SMUG1: variants seen among roughly 807,000 people sequenced by gnomAD.
The protein encoded by SMUG1 is single-strand-selective monofunctional uracil-DNA glycosylase 1.
In SMUG1, 13 loss-of-function variants were observed where a neutral mutation model predicts 23.9. The observed-to-expected ratio is 0.54, with a 90% CI of 0.35 to 0.86. The LOEUF (loss-of-function observed/expected upper bound fraction) is 0.86, where lower values mean the gene tolerates loss of function less well. Ranked by LOEUF, SMUG1 falls within the 40% of genes least tolerant of loss-of-function variation. The probability of loss-of-function intolerance (pLI) is 0.01; values close to 1 mark genes in which losing one functional copy is unlikely to be tolerated. For missense variants in SMUG1, 313 were observed against 339.5 expected, an observed-to-expected ratio of 0.92 and a Z score of 0.61; for synonymous variants, 133 against 139.8, an observed-to-expected ratio of 0.95 and a Z score of 0.34.
Position 54,183,951 on chromosome 12 carries a change from C to T in SMUG1, c.-11G>A, listed in dbSNP as rs745605697. On this transcript the variant is annotated 5_prime_UTR_variant, in exon 3 of 4. Transcript: ENST00000682136. The stretch of plus-strand genomic sequence containing the variant: ...GAAAGCCTGGGGCATATGTCCATGC[C>T]GCTGTCACCTGGGAAAAGAGATGGA... 1.5e-4 allele frequency: 231 copies of T among 1,520,088 alleles called. No individual in the cohort carries two copies. Among genetic ancestry groups the T allele is most frequent in the Middle Eastern group, 5.2e-4 (3 of 5,732 alleles). The allele number at this position is 1,520,088 out of a possible 1,614,324, so 94.2% of individuals were successfully genotyped here. A position where few individuals can be genotyped will look rare whatever the true frequency, so the allele number is the denominator to read the frequency against.
At chr12:54,176,513 C>T (rs376303597), downstream of SMUG1, among the ~76,000 whole-genome samples, 3 of 106,416 alleles carry the variant, frequency 2.8e-5, no homozygotes, top group South Asian at 7.9e-4. Flanking sequence ...CCTGTCCCCC[C>T]CCAAAAAAAA....
At chr12:54,179,356 T>C (rs892868387), downstream of SMUG1, among the ~76,000 whole-genome samples, 1 of 152,194 alleles carries the variant, frequency 6.6e-6, no homozygotes, top group Non-Finnish European at 1.5e-5. Flanking sequence ...CTCTAAGTTA[T>C]CCAAAACTTT....
At chr12:54,179,991 A>G (rs1940855069), downstream of SMUG1, among the ~76,000 whole-genome samples, 1 of 152,244 alleles carries the variant, frequency 6.6e-6, no homozygotes, top group Admixed American at 6.5e-5. Context: ...CAGGAAGCTG[A>G]CCAAAACCTG....
chr12:54,172,680 T>A (rs2136546371), intron 2 of SMUG1: 1 of 154,314 alleles, frequency 6.5e-6, no homozygotes, highest in Non-Finnish European at 1.4e-5. Context: ...CTGGTGCTCC[T>A]GCAGACCTCC....
chr12:54,185,008 T>A (rs540911763), intron 2 of SMUG1, among the ~76,000 whole-genome samples: 17 of 151,920 alleles, frequency 1.1e-4, no homozygotes, highest in Admixed American at 9.2e-4. Flanking sequence ...TACTAAAAAT[T>A]ACAAAAATTA....
downstream of SMUG1, among the ~76,000 whole-genome samples, chr12:54,163,533 A>G (rs546725027): frequency 5.3e-5 from 8 of 152,354 alleles, 1 homozygote; most frequent in South Asian, 1.7e-3. Context: ...GGACTTGTGC[A>G]GAGAAAAGAG....
At chr12:54,184,350 G>A (rs1188842730) in intron 2 of SMUG1, 2 of 157,730 alleles carry the variant, frequency 1.3e-5, no homozygotes, top group Non-Finnish European at 2.8e-5. Context: ...AAAAAGAAAA[G>A]CCCAGCCAGA....
intron 4 of SMUG1, chr12:54,165,093 C>T (rs57251720): frequency 0.067 from 10,269 of 152,206 alleles, 518 homozygotes; most frequent in African/African-American, 0.14. Context: ...CCTTGCCAAG[C>T]TCTTTCTATT....
downstream of SMUG1, among the ~76,000 whole-genome samples, chr12:54,179,654 G>A (rs898429374): frequency 6.6e-6 from 1 of 152,098 alleles, no homozygotes; most frequent in African/African-American, 2.4e-5. Flanking sequence ...TCCCCACCAA[G>A]ACTGCTCTCA....
chr12:54,180,232 A>G (rs1940875908), downstream of SMUG1: 1 of 152,190 alleles, frequency 6.6e-6, no homozygotes, highest in South Asian at 2.1e-4. Flanking sequence ...ATCAAATTCA[A>G]TATAAAATTA....
At position 54,183,934 on chromosome 12, in the gene SMUG1, G is replaced by A. The variant is rs2233919; in HGVS notation, c.7C>T (p.Gln3Ter). The change falls in exon 3 of 4, where the codon CAG becomes TAG. Residue 3 changes from glutamine to a stop codon, truncating the protein, a stop_gained. Coordinates refer to ENST00000682136, the MANE Select transcript of SMUG1 (RefSeq NM_001243787.2). LOFTEE classifies it high-confidence loss of function. MP[Q>*]AFLLGSIHEP... Reference sequence around the variant, plus strand: ...TGGATGGACCCCAGCAGGAAAGCCTGGGGCATATGTCCATGCCGCTGTCAC... The same window carrying A: ...TGGATGGACCCCAGCAGGAAAGCCTAGGGCATATGTCCATGCCGCTGTCAC... 4,137 of 1,559,898 alleles carry A rather than the reference G, an allele frequency of 2.7e-3. 82 individuals carry two copies. The African/African-American group carries it at 0.046, about 17-fold the overall frequency.
rs1490198131 is a variant in SMUG1 at position 54,180,926 on chromosome 12, T to G, written c.*1170A>C. 6.6e-6 allele frequency: 1 copy of G among 150,704 alleles called. No individual in the cohort carries two copies. Among genetic ancestry groups the G allele is most frequent in the Non-Finnish European group, 1.5e-5 (1 of 67,916 alleles). The allele number at this position is 150,704 out of a possible 1,614,324, so 9.3% of individuals were successfully genotyped here. A position where few individuals can be genotyped will look rare whatever the true frequency, so the allele number is the denominator to read the frequency against. ...TCACTTGAACCGGGAAAGCAGATGT[T>G]GCAGTGAACTGAGACCATGCCACTG... On this transcript the variant is annotated 3_prime_UTR_variant, in exon 4 of 4. Coordinates refer to ENST00000682136, the MANE Select transcript of SMUG1 (RefSeq NM_001243787.2).
intron 2 of SMUG1, chr12:54,173,024 A>C (rs1285205626): frequency 6.6e-6 from 1 of 152,446 alleles, no homozygotes. Flanking sequence ...AGGCGGCTTG[A>C]AGGGAAGGGT....
At chr12:54,184,722 C>T (rs1941922232) in intron 2 of SMUG1, among the ~76,000 whole-genome samples, 1 of 152,198 alleles carries the variant, frequency 6.6e-6, no homozygotes, top group Non-Finnish European at 1.5e-5. Context: ...AACCCCCTAA[C>T]CCCAGCCTAG....
chr12:54,181,125 A>C lies in SMUG1; in HGVS notation c.*971T>G, dbSNP rs1941005760. 1 of 158,178 alleles carries C rather than the reference A, an allele frequency of 6.3e-6. No homozygotes were observed. The highest frequency in any genetic ancestry group is 2.4e-5 in the African/African-American group (1 of 41,626). 9.8% of individuals were successfully genotyped at this position (158,178 alleles called of 1,614,324 possible). On this transcript the variant is annotated 3_prime_UTR_variant, in exon 4 of 4. Transcript: ENST00000682136. ...CTCTAGCATGCAAGAGGGGGAAAAA[A>C]GTAACAAGACAAAAGGCTTTAGGAG...
At chr12:54,173,435 C>T (rs1293172462) in intron 2 of SMUG1, among the ~76,000 whole-genome samples, 1 of 151,952 alleles carries the variant, frequency 6.6e-6, no homozygotes, top group Admixed American at 6.5e-5. Context: ...TGGCGGGAAG[C>T]GGCCGGGAGC....
At chr12:54,164,667 C>G (rs1316921262), downstream of SMUG1, 2 of 152,232 alleles carry the variant, frequency 1.3e-5, no homozygotes, top group Admixed American at 6.5e-5. Flanking sequence ...CTCTGTTCAC[C>G]AGGGGGTGAG....
Position 54,170,096 on chromosome 12 carries a change from G to C in SMUG1, c.*52+1929C>G, listed in dbSNP as rs569543170. ...GCCTGTAATCCCAGCTACTCGGGAG[G>C]CTGGGGCAGGAGAATCACTTGAACC... is the stretch of plus-strand genomic sequence containing the variant. On this transcript the variant is annotated intron_variant and NMD_transcript_variant, in intron 3 of 4. Coordinates refer to the SMUG1 transcript ENST00000509864. Among the ~76,000 whole-genome samples the C allele has an allele frequency of 3.3e-5, 5 of 152,214 alleles. No individual in the cohort carries two copies. In the East Asian group the frequency reaches 7.7e-4, roughly 23 times the overall value.
At position 54,180,932 on chromosome 12, in the gene SMUG1, G is replaced by GAGTTT. The variant is rs1313677003; in HGVS notation, c.*1163_*1164insAAACT. 2.7e-5 allele frequency: 4 copies of GAGTTT among 149,168 alleles called. No individual in the cohort carries two copies. Among genetic ancestry groups the GAGTTT allele is most frequent in the African/African-American group, 1.0e-4 (4 of 40,170 alleles). The allele number at this position is 149,168 out of a possible 1,614,324, so 9.2% of individuals were successfully genotyped here. ...GAACCGGGAAAGCAGATGTTGCAGT[G>GAGTTT]AACTGAGACCATGCCACTGCACTCC... On this transcript the variant is annotated 3_prime_UTR_variant, in exon 4 of 4. Transcript: ENST00000682136.
Sources: gnomAD v4.1 joint callset for allele counts (sites outside exome capture counted in the v4.1 genomes callset) on GRCh38, gnomAD v4.1.1 for gene constraint, MANE v1.5 for transcripts, NCBI Gene and HGNC (gene_info 2026-07-23, HGNC 2026-07-21) for gene names.